Variants in GLO1 observed in about 807,000 individuals in gnomAD.
GLO1 encodes the protein glyoxalase I.
In GLO1, 28 loss-of-function variants were observed where a neutral mutation model predicts 26.0. The ratio of observed to expected loss-of-function variants is 1.08; its 90% CI spans 0.80 to 1.48. GLO1 has a LOEUF of 1.48. Ranked by LOEUF, GLO1 falls within the 40% of genes most tolerant of loss-of-function variation. The pLI is 0.00. For synonymous variants in GLO1, 78 were observed against 77.6 expected (o/e 1.00, Z -0.03); for missense variants, 225 against 224.8 (o/e 1.00, Z -0.01).
intron 1 of GLO1, chr6:38,687,228 G>A (rs1761472240): frequency 3.1e-6 from 1 of 319,868 alleles, no homozygotes; most frequent in Admixed American, 6.5e-5. Context: ...TCCCTTGGTG[G>A]GACAATTCAG....
Position 38,677,058 on chromosome 6 carries a change from C to G in GLO1, c.*237G>C. ...CTGAAGGGAACTGTTCTAATTATTACCTAAAAAATAAAGTTACACAACTAT... is the reference window on the plus strand; with the variant it reads ...CTGAAGGGAACTGTTCTAATTATTAGCTAAAAAATAAAGTTACACAACTAT... On this transcript the variant is annotated 3_prime_UTR_variant, in exon 6 of 6. Coordinates refer to ENST00000373365, the MANE Select transcript of GLO1 (RefSeq NM_006708.3). 1 of 486,682 alleles carries G rather than the reference C, an allele frequency of 2.1e-6. No individual in the cohort carries two copies. 30.1% of individuals were successfully genotyped at this position (486,682 alleles called of 1,614,324 possible). A position where few individuals can be genotyped will look rare whatever the true frequency, so the allele number is the denominator to read the frequency against.
chr6:38,681,522 C>T (rs1761380692), intron 5 of GLO1, among the ~76,000 whole-genome samples: 1 of 151,628 alleles, frequency 6.6e-6, no homozygotes, highest in Admixed American at 6.6e-5. Flanking sequence ...ACATGTAAAC[C>T]CAGCAAAATC....
chr6:38,694,417 G>A (rs937878257), intron 1 of GLO1, among the ~76,000 whole-genome samples: 4 of 152,178 alleles, frequency 2.6e-5, no homozygotes, highest in African/African-American at 9.7e-5. Flanking sequence ...GGTGGCTCAT[G>A]CTTGTAATCC....
At chr6:38,701,475 T>C (rs1001596859) in intron 1 of GLO1, among the ~76,000 whole-genome samples, 5 of 152,214 alleles carry the variant, frequency 3.3e-5, no homozygotes, top group African/African-American at 2.4e-5. Flanking sequence ...ACTTAGTATA[T>C]TTTATAAAGA....
chr6:38,686,416 C>T (rs1429540843), intron 2 of GLO1, among the ~76,000 whole-genome samples: 1 of 152,112 alleles, frequency 6.6e-6, no homozygotes. Flanking sequence ...AATAAACATG[C>T]TTTAGAAAAA....
rs755657471 is a variant in GLO1 at position 38,686,883 on chromosome 6, T to C, written c.167+9A>G. 16 of 1,455,632 alleles carry C rather than the reference T, an allele frequency of 1.1e-5. No homozygotes were observed. The South Asian group carries it at 1.7e-4, about 16-fold the overall frequency. 90.2% of individuals were successfully genotyped at this position (1,455,632 alleles called of 1,614,324 possible). On this transcript the variant is annotated intron_variant, in intron 2 of 5. Coordinates refer to ENST00000373365, the MANE Select transcript of GLO1 (RefSeq NM_006708.3). ...TAAACATTAAGGTGCCAATAAGTAC[T>C]TGACTTACGTCATTCCAAGAACTCT...
chr6:38,700,076 A>G (rs1781715), intron 1 of GLO1, among the ~76,000 whole-genome samples: 116,855 of 152,144 alleles, frequency 0.77, 45,702 homozygotes, highest in African/African-American at 0.93. Flanking sequence ...TGGGCATCAC[A>G]GTCCTACTGA....
chr6:38,694,483 A>T, intron 1 of GLO1, among the ~76,000 whole-genome samples: 1 of 152,250 alleles, frequency 6.6e-6, no homozygotes, highest in East Asian at 1.9e-4. Flanking sequence ...GTTCAAGACC[A>T]GCCTAGGCAA....
chr6:38,696,750 T>C (rs765774866), intron 1 of GLO1, among the ~76,000 whole-genome samples: 20 of 152,134 alleles, frequency 1.3e-4, no homozygotes, highest in Non-Finnish European at 2.5e-4. Flanking sequence ...AAAGGAGAAG[T>C]TCCACACTTG....
At chr6:38,693,151 G>A (rs1761555211) in intron 1 of GLO1, among the ~76,000 whole-genome samples, 2 of 151,722 alleles carry the variant, frequency 1.3e-5, no homozygotes, top group South Asian at 2.1e-4. Flanking sequence ...AAATCACCTG[G>A]GTCTGGACAA....
chr6:38,700,504 G>A (rs1761682789), intron 1 of GLO1, among the ~76,000 whole-genome samples: 1 of 152,204 alleles, frequency 6.6e-6, no homozygotes, highest in Admixed American at 6.5e-5. Context: ...AACAACAGAA[G>A]TGGGGATTCA....
intron 2 of GLO1, among the ~76,000 whole-genome samples, chr6:38,684,898 T>C (rs1256457769): frequency 1.3e-5 from 2 of 152,182 alleles, no homozygotes; most frequent in South Asian, 2.1e-4. Context: ...TATAAATATG[T>C]CATTCAGTTA....
chr6:38,684,543 C>A, intron 2 of GLO1, 29 bp from the exon 3 acceptor site: 2 of 1,414,712 alleles, frequency 1.4e-6, no homozygotes, highest in South Asian at 1.7e-5. Context: ...AAGCCTGAAT[C>A]ATTAACAACA....
rs1761244054 is a variant in GLO1, at chr6:38,676,435, C to G, written c.*860G>C. The G allele has an allele frequency of 6.6e-6, 1 of 152,096 alleles. No homozygotes were observed. The highest frequency in any genetic ancestry group is 6.5e-5 in the Admixed American group (1 of 15,274). 9.4% of individuals were successfully genotyped at this position (152,096 alleles called of 1,614,324 possible). Reference sequence around the variant, plus strand: ...TACTCCAGCCCAAGAGCCAAGAGCACAATGGTCAAACTCACTGAAGGTTTT... The same window carrying G: ...TACTCCAGCCCAAGAGCCAAGAGCAGAATGGTCAAACTCACTGAAGGTTTT... On this transcript the variant is annotated 3_prime_UTR_variant, in exon 6 of 6. Coordinates refer to ENST00000373365, the MANE Select transcript of GLO1 (RefSeq NM_006708.3).
Position 38,703,093 on chromosome 6 carries a change from A to C in GLO1, c.-39T>G, listed in dbSNP as rs558835278. The C allele has an allele frequency of 5.6e-5, 66 of 1,187,954 alleles. 1 individual carries two copies. In the Admixed American group the frequency reaches 1.1e-3, roughly 19 times the overall value. 73.6% of individuals were successfully genotyped at this position (1,187,954 alleles called of 1,614,324 possible). ...TATCACAGACGACGGGACCCAAGGA[A>C]CGGAGGAGTCACCCACACTACGCCT... is the stretch of plus-strand genomic sequence containing the variant. On this transcript the variant is annotated 5_prime_UTR_variant, in exon 1 of 6. Transcript: ENST00000373365.
At chr6:38,691,690 T>C (rs1761533847) in intron 1 of GLO1, among the ~76,000 whole-genome samples, 1 of 151,870 alleles carries the variant, frequency 6.6e-6, no homozygotes, top group African/African-American at 2.4e-5. Context: ...ACTGTAAAAG[T>C]GAGGCAAGGA....
Position 38,684,377 on chromosome 6 carries a change from G to A in GLO1, c.305C>T (p.Thr102Ile). The change falls in exon 3 of 6, where the codon ACA becomes ATA. Residue 102 changes from threonine to isoleucine, a missense_variant. Thr to Ile is a moderately conservative substitution (Grantham distance 89). Coordinates refer to ENST00000373365, the MANE Select transcript of GLO1 (RefSeq NM_006708.3). ...ALSRKATLEL[T>I]HNWGTEDDET... ...AAATATAGAAACTCATACTCACTGT[G>A]TCAGCTCAAGTGTAGCTTTTCTGGA... 4 of 1,457,428 alleles carry A rather than the reference G, an allele frequency of 2.7e-6. No individual in the cohort carries two copies. The highest frequency in any genetic ancestry group is 2.7e-6 in the Non-Finnish European group (3 of 1,095,308). 90.3% of individuals were successfully genotyped at this position (1,457,428 alleles called of 1,614,324 possible).
intron 1 of GLO1, among the ~76,000 whole-genome samples, chr6:38,689,782 C>T (rs1311871844): frequency 6.6e-6 from 1 of 151,928 alleles, no homozygotes; most frequent in African/African-American, 2.4e-5. Flanking sequence ...CCCGTCTCTA[C>T]TAAAAATACA....
intron 4 of GLO1, 67 bp downstream of exon 4, chr6:38,682,741 C>A (rs1761399860): frequency 2.5e-6 from 2 of 797,766 alleles, no homozygotes; most frequent in African/African-American, 1.7e-5. Flanking sequence ...TTATTAAAAT[C>A]ATAATTATAT....
Sources: gnomAD v4.1 joint callset for allele counts (sites outside exome capture counted in the v4.1 genomes callset) on GRCh38, gnomAD v4.1.1 for gene constraint, MANE v1.5 for transcripts, NCBI Gene and HGNC (gene_info 2026-07-23, HGNC 2026-07-21) for gene names.